Variants in SAMD3 observed in about 807,000 individuals in gnomAD.
SAMD3 encodes the protein sterile alpha motif domain containing 3, also known as sterile alpha motif domain-containing protein 3.
SAMD3 carries 63 observed loss-of-function variants against 58.5 expected under a neutral mutation model. The observed-to-expected ratio is 1.08, with a 90% CI of 0.88 to 1.33. The LOEUF is 1.33. Among genes scored for constraint, SAMD3 ranks in the 40% most tolerant of loss-of-function variants. SAMD3 has a pLI of 0.00. For missense variants in SAMD3, 604 were observed against 608.4 expected (o/e 0.99, Z 0.08); for synonymous variants, 220 against 210.3 (o/e 1.05, Z -0.40).
chr6:130,274,757 T>TTTTA (rs1397795076), intron 2 of SAMD3, among the ~76,000 whole-genome samples: 1 of 151,944 alleles, frequency 6.6e-6, no homozygotes, highest in Non-Finnish European at 1.5e-5. Context: ...AATATCTTTT[T>TTTTA]TTTTTTTGGT....
chr6:130,148,247 A>G (rs1371886865), intron 9 of SAMD3, among the ~76,000 whole-genome samples: 1 of 152,150 alleles, frequency 6.6e-6, no homozygotes, highest in Non-Finnish European at 1.5e-5. Context: ...TCTTCCACAT[A>G]TATTTACTTA....
At chr6:130,296,915 G>A (rs1775588916) in intron 2 of SAMD3, among the ~76,000 whole-genome samples, 2 of 152,154 alleles carry the variant, frequency 1.3e-5, no homozygotes, top group African/African-American at 4.8e-5. Flanking sequence ...CTCAGGATGA[G>A]GAGTTGGTAC....
chr6:130,215,589 G>T, intron 2 of SAMD3: 1 of 1,355,784 alleles, frequency 7.4e-7, no homozygotes, highest in Non-Finnish European at 9.4e-7. Flanking sequence ...GACAGCCAGG[G>T]ACATACAATG....
intron 7 of SAMD3, chr6:130,183,331 C>A (rs532002156): frequency 7.6e-5 from 32 of 422,066 alleles, no homozygotes; most frequent in South Asian, 5.2e-4. Flanking sequence ...AGCGAGACTC[C>A]GTCTCAAAAA....
At chr6:130,153,429 C>G (rs879740257) in intron 9 of SAMD3, among the ~76,000 whole-genome samples, 15 of 151,950 alleles carry the variant, frequency 9.9e-5, no homozygotes, top group African/African-American at 3.6e-4. Flanking sequence ...ATTCTTATTT[C>G]CCTTTGCTCA....
In SAMD3 at chr6:130,205,154, T is replaced by TAAAAAAA. The variant is rs10680576; in HGVS notation, c.383+4334_383+4340dup. 6.4e-4 allele frequency among the ~76,000 whole-genome samples: 89 copies of TAAAAAAA among 138,212 alleles called. 2 individuals carry two copies. Among genetic ancestry groups the TAAAAAAA allele is most frequent in the African/African-American group, 2.4e-3 (88 of 37,188 alleles). The allele number at this position is 138,212 out of a possible 152,430, so 90.7% of individuals were successfully genotyped here. A position where few individuals can be genotyped will look rare whatever the true frequency, so the allele number is the denominator to read the frequency against. ...TATAGAGCCCTGGAGTTTGGCTCTG[T>TAAAAAAA]AAAAAAAAAAAAAAAAAATTAGTAT... On this transcript the variant is annotated intron_variant, in intron 5 of 11. Transcript: ENST00000439090.
intron 5 of SAMD3, among the ~76,000 whole-genome samples, chr6:130,188,694 C>T (rs1457688972): frequency 2.0e-5 from 3 of 152,162 alleles, no homozygotes; most frequent in Non-Finnish European, 4.4e-5. Flanking sequence ...AATTCAGGGC[C>T]TTTGACCATA....
chr6:130,299,363 G>C (rs755864532), intron 2 of SAMD3, among the ~76,000 whole-genome samples: 11 of 152,100 alleles, frequency 7.2e-5, no homozygotes, highest in Non-Finnish European at 1.6e-4. Flanking sequence ...GCTTCTGAAT[G>C]ACTTTTGGGT....
intron 8 of SAMD3, chr6:130,162,040 A>T: frequency 6.5e-6 from 3 of 462,794 alleles, no homozygotes; most frequent in South Asian, 4.3e-5. Context: ...GAAGTGTAGG[A>T]CTCACCTTTG....
chr6:130,345,349 C>T (rs189518040), intron 1 of SAMD3, among the ~76,000 whole-genome samples: 138 of 152,198 alleles, frequency 9.1e-4, no homozygotes, highest in African/African-American at 3.1e-3. Flanking sequence ...AACAAGCAGC[C>T]GCCATCCACT....
At chr6:130,201,592 G>A (rs1794658203) in intron 5 of SAMD3, among the ~76,000 whole-genome samples, 1 of 152,180 alleles carries the variant, frequency 6.6e-6, no homozygotes, top group African/African-American at 2.4e-5. Context: ...GCAAAGTTAA[G>A]AGATGCTTAG....
intron 2 of SAMD3, among the ~76,000 whole-genome samples, chr6:130,291,952 G>C (rs923198599): frequency 5.3e-5 from 8 of 152,050 alleles, no homozygotes; most frequent in Non-Finnish European, 1.2e-4. Flanking sequence ...CTTAGAAAAA[G>C]AAAATAAAAA....
intron 2 of SAMD3, among the ~76,000 whole-genome samples, chr6:130,241,254 A>G (rs568302052): frequency 1.0e-4 from 13 of 124,712 alleles, no homozygotes; most frequent in Admixed American, 5.4e-4. Context: ...CTTGTCGCCC[A>G]GGCTGGAGTG....
chr6:130,262,625 G>A (rs1366143110), intron 2 of SAMD3, among the ~76,000 whole-genome samples: 1 of 151,776 alleles, frequency 6.6e-6, no homozygotes, highest in East Asian at 1.9e-4. Context: ...TGCAAGAAAT[G>A]TTGTATAATT....
chr6:130,311,236 T>C (rs1196962402), intron 2 of SAMD3, among the ~76,000 whole-genome samples: 1 of 152,186 alleles, frequency 6.6e-6, no homozygotes, highest in Non-Finnish European at 1.5e-5. Context: ...ACCAAAATAG[T>C]GTATGTCAGA....
chr6:130,338,511 C>T (rs1777169372), intron 1 of SAMD3, among the ~76,000 whole-genome samples: 1 of 152,178 alleles, frequency 6.6e-6, no homozygotes, highest in African/African-American at 2.4e-5. Context: ...ACAGCTTGCA[C>T]CATGTGCCTG....
intron 1 of SAMD3, among the ~76,000 whole-genome samples, chr6:130,317,932 G>A (rs758360111): frequency 6.6e-6 from 1 of 152,204 alleles, no homozygotes; most frequent in Non-Finnish European, 1.5e-5. Context: ...TTGATTGACC[G>A]GGAAGGCCAA....
intron 1 of SAMD3, among the ~76,000 whole-genome samples, chr6:130,217,279 C>T (rs1157511368): frequency 6.6e-6 from 1 of 152,092 alleles, no homozygotes; most frequent in Non-Finnish European, 1.5e-5. Flanking sequence ...TCTTCTACAC[C>T]ATGAAGGCAT....
At chr6:130,189,334 T>C (rs568688218) in intron 5 of SAMD3, among the ~76,000 whole-genome samples, 23 of 152,286 alleles carry the variant, frequency 1.5e-4, no homozygotes, top group African/African-American at 5.3e-4. Flanking sequence ...AGAGAAAATG[T>C]AGCCATCTGC....
Sources: allele counts gnomAD v4.1 joint callset (sites outside exome capture counted in the v4.1 genomes callset), GRCh38; gene constraint gnomAD v4.1.1; transcripts MANE v1.5; gene names NCBI Gene and HGNC (gene_info 2026-07-23, HGNC 2026-07-21).